RASSF3: variants seen among roughly 807,000 people sequenced by gnomAD.
RASSF3 encodes the protein Ras association domain family member 3.
RASSF3 carries 19 observed loss-of-function variants against 19.9 expected under a neutral mutation model. That is an observed-to-expected ratio of 0.96 (90% confidence interval 0.67 to 1.40). The LOEUF (loss-of-function observed/expected upper bound fraction) is 1.40. RASSF3 is among the 40% of genes most tolerant of loss of function. RASSF3 has a pLI of 0.00. For missense variants in RASSF3, 306 were observed against 289.8 expected (o/e 1.06, Z -0.41); for synonymous variants, 110 against 104.2 (o/e 1.06, Z -0.34).
chr12:64,536,257 G>A (rs111737105), intron 1 of RASSF3, among the ~76,000 whole-genome samples: 32,765 of 149,538 alleles, frequency 0.22, 4,205 homozygotes, highest in Admixed American at 0.34. Flanking sequence ...TGATCTGCCC[G>A]CCTCGGCCTC....
chr12:64,622,382 A>G, intron 1 of RASSF3: 1 of 494,636 alleles, frequency 2.0e-6, no homozygotes, highest in Non-Finnish European at 4.0e-6. Flanking sequence ...TTTTGTAAGT[A>G]TACTAGGTAT....
chr12:64,609,827 T>TAACG (rs1373257214), upstream of RASSF3, among the ~76,000 whole-genome samples: 1 of 152,108 alleles, frequency 6.6e-6, no homozygotes, highest in African/African-American at 2.4e-5. Context: ...GCGCCTAAGA[T>TAACG]AACGATCTTA....
At chr12:64,634,946 C>A (rs1871284130) in intron 1 of RASSF3, among the ~76,000 whole-genome samples, 1 of 144,878 alleles carries the variant, frequency 6.9e-6, no homozygotes, top group Non-Finnish European at 1.5e-5. Context: ...ATAGTTTCTT[C>A]TTTTTCTTTT....
intron 1 of RASSF3, among the ~76,000 whole-genome samples, chr12:64,613,184 TC>T (rs1337973562): frequency 1.3e-5 from 2 of 151,792 alleles, no homozygotes; most frequent in Non-Finnish European, 2.9e-5. Flanking sequence ...TGTAGAATGT[TC>T]CTTTTATCTA....
chr12:64,635,700 G>A (rs1871307393), intron 1 of RASSF3, among the ~76,000 whole-genome samples: 2 of 152,186 alleles, frequency 1.3e-5, no homozygotes, highest in Admixed American at 1.3e-4. Flanking sequence ...TTTAAAAAGC[G>A]GTAAGAAGAG....
At chr12:64,685,417 G>A (rs1873309460) in intron 2 of RASSF3, among the ~76,000 whole-genome samples, 1 of 152,004 alleles carries the variant, frequency 6.6e-6, no homozygotes, top group Admixed American at 6.6e-5. Flanking sequence ...GCTAATTTTT[G>A]TATTTTTTGT....
intron 1 of RASSF3, among the ~76,000 whole-genome samples, chr12:64,642,615 C>T (rs1243893086): frequency 1.1e-5 from 1 of 93,250 alleles, no homozygotes; most frequent in Admixed American, 1.1e-4. Flanking sequence ...GTAATTAATA[C>T]AAAGTTTTGT....
At chr12:64,580,508 G>A (rs990948717) in intron 2 of RASSF3, among the ~76,000 whole-genome samples, 1 of 151,574 alleles carries the variant, frequency 6.6e-6, no homozygotes, top group Non-Finnish European at 1.5e-5. Flanking sequence ...AGGCTGCAGT[G>A]AGCTATGATC....
At chr12:64,602,904 G>C (rs1170077462) in intron 2 of RASSF3, among the ~76,000 whole-genome samples, 4 of 152,016 alleles carry the variant, frequency 2.6e-5, no homozygotes, top group Non-Finnish European at 5.9e-5. Flanking sequence ...TTTGAGACCA[G>C]CCTCGCCAAC....
chr12:64,650,966 C>T (rs1466542924), intron 1 of RASSF3, among the ~76,000 whole-genome samples: 1 of 152,214 alleles, frequency 6.6e-6, no homozygotes, highest in East Asian at 1.9e-4. Context: ...TTTGCCTCTA[C>T]TGTGACCAAC....
chr12:64,615,040 A>G (rs1870504700), intron 1 of RASSF3, among the ~76,000 whole-genome samples: 2 of 152,204 alleles, frequency 1.3e-5, no homozygotes, highest in African/African-American at 2.4e-5. Flanking sequence ...TATAGTCATG[A>G]CAGTGTTTAT....
rs1459235838 is a variant in RASSF3, at chr12:64,651,641, T to TA, written c.112-33144dup. On this transcript the variant is annotated intron_variant, in intron 1 of 4. Transcript: ENST00000542104. ...TCCCAGAGTGCTGGGATTACAGGCA[T>TA]AAGCCACCATGCCTGGCTGGTTGTT... 5.3e-5 allele frequency among the ~76,000 whole-genome samples: 8 copies of TA among 152,124 alleles called. No homozygotes were observed. The East Asian group carries it at 1.5e-3, about 29-fold the overall frequency.
At chr12:64,627,765 A>G (rs772599377) in intron 1 of RASSF3, among the ~76,000 whole-genome samples, 28 of 152,214 alleles carry the variant, frequency 1.8e-4, no homozygotes, top group Non-Finnish European at 3.2e-4. Flanking sequence ...ACGTTGGGCC[A>G]GGGGTATGGA....
intron 2 of RASSF3, among the ~76,000 whole-genome samples, chr12:64,546,977 T>C (rs1869074566): frequency 6.6e-6 from 1 of 152,168 alleles, no homozygotes; most frequent in South Asian, 2.1e-4. Flanking sequence ...GGAGAGGACA[T>C]TGAAAGATTG....
intron 1 of RASSF3, among the ~76,000 whole-genome samples, chr12:64,519,393 C>T (rs768395187): frequency 6.6e-6 from 1 of 152,024 alleles, no homozygotes; most frequent in Non-Finnish European, 1.5e-5. Flanking sequence ...GGTGACAGAG[C>T]AAGGCCGTCT....
At chr12:64,675,159 T>C (rs1489108419) in intron 1 of RASSF3, among the ~76,000 whole-genome samples, 1 of 149,972 alleles carries the variant, frequency 6.7e-6, no homozygotes, top group Non-Finnish European at 1.5e-5. Context: ...AATAATCCTC[T>C]AATGAATAGA....
chr12:64,598,170 T>C (rs1338823848), intron 2 of RASSF3, among the ~76,000 whole-genome samples: 1 of 152,176 alleles, frequency 6.6e-6, no homozygotes, highest in African/African-American at 2.4e-5. Flanking sequence ...TTGCCCACTT[T>C]GGCCTCTCAA....
rs562854395 is a variant in RASSF3 at position 64,656,292 on chromosome 12, T to C, written c.112-28495T>C. Among the ~76,000 whole-genome samples the C allele has an allele frequency of 2.2e-4, 33 of 152,270 alleles. No homozygotes were observed. The South Asian group carries it at 6.0e-3, about 28-fold the overall frequency. On this transcript the variant is annotated intron_variant, in intron 1 of 4. Transcript: ENST00000542104. ...GATTATAAAGCTTAAAAACATATTA[T>C]TGGGCAGGAGTGGGCTATGGGGCTG...
At position 64,564,461 on chromosome 12, in the gene RASSF3, C is replaced by T. The variant is rs1205106771; in HGVS notation, c.294+22756C>T. ...GCAATGGCATGATCTCAGCTCACCA[C>T]AACCTCCGCCTCCCAGGTTCAAGCT... On this transcript the variant is annotated intron_variant, in intron 2 of 5. Coordinates refer to the RASSF3 transcript ENST00000637125. 5.3e-5 allele frequency among the ~76,000 whole-genome samples: 8 copies of T among 152,068 alleles called. No individual in the cohort carries two copies. The South Asian group carries it at 1.0e-3, about 20-fold the overall frequency.
Sources: gnomAD v4.1 joint callset for allele counts (sites outside exome capture counted in the v4.1 genomes callset) on GRCh38, gnomAD v4.1.1 for gene constraint, MANE v1.5 for transcripts, NCBI Gene and HGNC (gene_info 2026-07-23, HGNC 2026-07-21) for gene names.